PLXNA2: variants seen among roughly 807,000 people sequenced by gnomAD.
PLXNA2 encodes the protein plexin A2.
A neutral mutation model predicts 193.5 loss-of-function variants in PLXNA2; 91 were observed. The ratio of observed to expected loss-of-function variants is 0.47; its 90% CI spans 0.40 to 0.56. PLXNA2 has a LOEUF of 0.56. PLXNA2 is among the 20% of genes least tolerant of loss of function. The pLI, the probability that PLXNA2 is intolerant of heterozygous loss-of-function variation, is 0.00. For synonymous variants in PLXNA2, 997 were observed against 1,027.3 expected, an observed-to-expected ratio of 0.97 and a Z score of 0.56; for missense variants, 1,995 against 2,503.2, an observed-to-expected ratio of 0.80 and a Z score of 4.33.
In PLXNA2 at chr1:208,133,323, C is replaced by T. The variant is rs189452362; in HGVS notation, c.1506+9006G>A. Among the ~76,000 whole-genome samples the T allele has an allele frequency of 8.5e-5, 13 of 152,290 alleles. 1 individual carries two copies. In the East Asian group the frequency reaches 1.9e-3, roughly 23 times the overall value. ...CTTGTGATTTATCTATACATCATTG[C>T]GCTTCTCCAGAATTTGACCACCTTG... On this transcript the variant is annotated intron_variant, in intron 4 of 31. Coordinates refer to ENST00000367033, the MANE Select transcript of PLXNA2 (RefSeq NM_025179.4).
At chr1:208,122,967 A>G (rs762796617) in intron 4 of PLXNA2, among the ~76,000 whole-genome samples, 16 of 152,198 alleles carry the variant, frequency 1.1e-4, no homozygotes, top group Non-Finnish European at 2.2e-4. Context: ...GCGCAATTCA[A>G]TGGTGTTTTG....
At chr1:208,114,046 T>A (rs1424892504) in intron 4 of PLXNA2, among the ~76,000 whole-genome samples, 1 of 152,124 alleles carries the variant, frequency 6.6e-6, no homozygotes, top group Non-Finnish European at 1.5e-5. Flanking sequence ...GGATTCAGAA[T>A]TTATGTTTGG....
At chr1:208,033,276 T>C (rs1558155350) in intron 28 of PLXNA2, 43 bp downstream of exon 28, 1 of 1,546,096 alleles carries the variant, frequency 6.5e-7, no homozygotes, top group Non-Finnish European at 8.9e-7. Context: ...CAGGATGTGC[T>C]CCTTTAACAA....
chr1:208,210,718 T>C (rs1356658768), intron 2 of PLXNA2, among the ~76,000 whole-genome samples: 1 of 152,212 alleles, frequency 6.6e-6, no homozygotes, highest in Admixed American at 6.5e-5. Context: ...TGTATCTACC[T>C]TTCTGCCAGG....
chr1:208,222,101 TC>T (rs370731443), intron 1 of PLXNA2, among the ~76,000 whole-genome samples: 2 of 152,200 alleles, frequency 1.3e-5, no homozygotes, highest in African/African-American at 2.4e-5. Context: ...CCTCCATCCA[TC>T]CCATCATCTG....
intron 5 of PLXNA2, among the ~76,000 whole-genome samples, chr1:208,100,895 C>A (rs921702638): frequency 6.6e-6 from 1 of 152,190 alleles, no homozygotes; most frequent in Non-Finnish European, 1.5e-5. Flanking sequence ...ACCCGCTCCA[C>A]GGCTGGTGCC....
At position 208,079,308 on chromosome 1, in the gene PLXNA2, G is replaced by A. The variant is rs375977691; in HGVS notation, c.2538C>T (p.Leu846=). 1.0e-4 allele frequency: 169 copies of A among 1,612,882 alleles called. No homozygotes were observed. Among genetic ancestry groups the A allele is most frequent in the Non-Finnish European group, 1.2e-4 (145 of 1,179,048 alleles). ...ACTTGACATTGTGGCTGGACCAGTC[G>A]AGCCAGGGGCTGGAAGGGCTGGTAC... is the stretch of plus-strand genomic sequence containing the variant. ...QHCTSPSSPW[L]DWSSHNVKCS... is the part of the protein sequence containing the mutation. The change falls in exon 12 of 32, where the codon CTC becomes CTT. Residue 846 remains leucine, a synonymous_variant. Coordinates refer to ENST00000367033, the MANE Select transcript of PLXNA2 (RefSeq NM_025179.4).
At chr1:208,063,234 G>T (rs1665673407) in intron 12 of PLXNA2, among the ~76,000 whole-genome samples, 1 of 152,204 alleles carries the variant, frequency 6.6e-6, no homozygotes, top group Non-Finnish European at 1.5e-5. Context: ...TTTCTGTCTT[G>T]CAGGTAGCAT....
At chr1:208,087,227 G>T (rs950762294) in intron 9 of PLXNA2, among the ~76,000 whole-genome samples, 1 of 151,664 alleles carries the variant, frequency 6.6e-6, no homozygotes, top group Non-Finnish European at 1.5e-5. Context: ...TTTTAATGTG[G>T]ACCAAAAAAA....
chr1:208,030,931 C>T (rs1252407630), intron 29 of PLXNA2: 3 of 986,026 alleles, frequency 3.0e-6, no homozygotes. Context: ...GGGCTTCTCC[C>T]ACTGCTGGTC....
chr1:208,084,675 C>A (rs1373174292), intron 9 of PLXNA2, 95 bp from the exon 10 acceptor site: 2 of 1,189,726 alleles, frequency 1.7e-6, no homozygotes, highest in Admixed American at 2.1e-5. Flanking sequence ...GGTGAGCTGC[C>A]CAAGAGCAGG....
Position 208,054,499 on chromosome 1 carries a change from G to A in PLXNA2, c.2778C>T (p.Thr926=), listed in dbSNP as rs533530336. Residue 926 remains threonine (T), a synonymous_variant, in exon 14 of 32, where the codon ACC becomes ACT. Coordinates refer to ENST00000367033, the MANE Select transcript of PLXNA2 (RefSeq NM_025179.4). The stretch of plus-strand genomic sequence containing the variant: ...CAATACACAGGCGTACTGGCCCGGA[G>A]GTGGTTCCCACGAGGGCATGGCCCA... ...CEMGHALVGT[T]SGPVRLCIGE... 2.5e-6 allele frequency: 4 copies of A among 1,614,248 alleles called. No homozygotes were observed. The South Asian group carries it at 4.4e-5, about 18-fold the overall frequency.
intron 1 of PLXNA2, among the ~76,000 whole-genome samples, chr1:208,229,577 G>C (rs1201266299): frequency 2.6e-5 from 4 of 152,170 alleles, no homozygotes; most frequent in Non-Finnish European, 5.9e-5. Flanking sequence ...TGAAGAAGGA[G>C]GTAAATGATT....
rs1487807738 is a variant in PLXNA2, at chr1:208,205,680, T to A, written c.1371+4600A>T. Among the ~76,000 whole-genome samples the A allele has an allele frequency of 2.6e-5, 4 of 152,210 alleles. No homozygotes were observed. In the East Asian group the frequency reaches 7.7e-4, roughly 29 times the overall value. ...TGCAGGAATCCCCTTGACAGCACCC[T>A]GGTTGGTGACCATCCAGTCTCTGCT... On this transcript the variant is annotated intron_variant, in intron 3 of 31. Transcript: ENST00000367033.
intron 3 of PLXNA2, among the ~76,000 whole-genome samples, chr1:208,184,951 T>C (rs1360782282): frequency 8.5e-5 from 13 of 152,172 alleles, no homozygotes; most frequent in Non-Finnish European, 1.9e-4. Context: ...ATTAAGCTTT[T>C]TGCCCACAGG....
chr1:208,172,019 T>C (rs1669509546), intron 3 of PLXNA2, among the ~76,000 whole-genome samples: 1 of 50,462 alleles, frequency 2.0e-5, no homozygotes. Flanking sequence ...AATTGTGGGT[T>C]TTGCCATAAA....
chr1:208,162,635 T>C (rs181915003), intron 3 of PLXNA2, among the ~76,000 whole-genome samples: 140 of 152,294 alleles, frequency 9.2e-4, no homozygotes, highest in Middle Eastern at 3.4e-3. Context: ...AGATAAACTA[T>C]GAAATAAACA....
At position 208,082,580 on chromosome 1, in the gene PLXNA2, C is replaced by G; in HGVS notation, c.2299-72G>C. ...ACAGGGGTCAGGGATGCAGACAAAC[C>G]CTGCATGCTGCTCAGATTATTATGA... On this transcript the variant is annotated intron_variant, in intron 10 of 31. Transcript: ENST00000367033. The surrounding 1 kb of genome is among the most constrained non-coding windows in gnomAD (Gnocchi z 4.2). The G allele has an allele frequency of 1.0e-6, 1 of 1,000,044 alleles. No homozygotes were observed. The highest frequency in any genetic ancestry group is 1.6e-6 in the Non-Finnish European group (1 of 635,576). 61.9% of individuals were successfully genotyped at this position (1,000,044 alleles called of 1,614,324 possible). A position where few individuals can be genotyped will look rare whatever the true frequency, so the allele number is the denominator to read the frequency against.
chr1:208,109,512 T>C (rs1425668139), intron 4 of PLXNA2, among the ~76,000 whole-genome samples: 1 of 152,234 alleles, frequency 6.6e-6, no homozygotes, highest in African/African-American at 2.4e-5. Context: ...CAGAGGGTTT[T>C]GGCATTTTTG....
Sources: allele counts gnomAD v4.1 joint callset (sites outside exome capture counted in the v4.1 genomes callset), GRCh38; gene constraint gnomAD v4.1.1; non-coding constraint Gnocchi (gnomAD v3.1); transcripts MANE v1.5; gene names NCBI Gene and HGNC (gene_info 2026-07-23, HGNC 2026-07-21).